Variants in CGNL1 observed in about 807,000 individuals in gnomAD.
The protein encoded by CGNL1 is cingulin-like protein 1.
In CGNL1, 132 loss-of-function variants were observed where a neutral mutation model predicts 141.2. The ratio of observed to expected loss-of-function variants is 0.93; its 90% confidence interval spans 0.81 to 1.08. The LOEUF (loss-of-function observed/expected upper bound fraction) is 1.08, where lower values mean the gene tolerates loss of function less well. Ranked by LOEUF, CGNL1 falls within the 50% of genes least tolerant of loss-of-function variation. The pLI is 0.00. For missense variants in CGNL1, 1,870 were observed against 1,588.6 expected (o/e 1.18, Z -3.01); for synonymous variants, 690 against 622.1 (o/e 1.11, Z -1.63).
At chr15:57,378,077 CATCTGAG>C (rs1213125285) in intron 1 of CGNL1, among the ~76,000 whole-genome samples, 3 of 152,140 alleles carry the variant, frequency 2.0e-5, no homozygotes, top group African/African-American at 7.2e-5. Context: ...TAACATGGCA[CATCTGAG>C]ATGACACCTG....
At chr15:57,508,666 A>T (rs1044823826) in intron 8 of CGNL1, among the ~76,000 whole-genome samples, 18 of 152,254 alleles carry the variant, frequency 1.2e-4, no homozygotes, top group African/African-American at 4.1e-4. Context: ...ACCAAGAAGC[A>T]TAAAGGATTT....
chr15:57,470,192 T>C (rs1167430976), intron 8 of CGNL1, among the ~76,000 whole-genome samples: 1 of 149,324 alleles, frequency 6.7e-6, no homozygotes, highest in Non-Finnish European at 1.5e-5. Context: ...CATGGAACTT[T>C]CCATAGGCAA....
chr15:57,487,731 T>G (rs2063804007), intron 8 of CGNL1, among the ~76,000 whole-genome samples: 1 of 152,190 alleles, frequency 6.6e-6, no homozygotes, highest in African/African-American at 2.4e-5. Flanking sequence ...TTTACTTCTC[T>G]TAATGTACAG....
At chr15:57,536,081 T>C (rs1461105101) in intron 14 of CGNL1, among the ~76,000 whole-genome samples, 3 of 152,154 alleles carry the variant, frequency 2.0e-5, no homozygotes, top group Non-Finnish European at 4.4e-5. Flanking sequence ...GGCCTCACAA[T>C]CATGGCAGAA....
intron 1 of CGNL1, among the ~76,000 whole-genome samples, chr15:57,378,646 G>T: frequency 6.6e-6 from 1 of 152,006 alleles, no homozygotes; most frequent in East Asian, 1.9e-4. Context: ...GCCTCTCAAA[G>T]TGCTGGGATT....
At chr15:57,507,398 C>G (rs144317815) in intron 8 of CGNL1, among the ~76,000 whole-genome samples, 7 of 152,256 alleles carry the variant, frequency 4.6e-5, no homozygotes, top group Non-Finnish European at 8.8e-5. Context: ...ACAGGCCACT[C>G]TGAGAGTGAA....
chr15:57,413,271 C>CTCCT (rs370247311), intron 1 of CGNL1, among the ~76,000 whole-genome samples: 1 of 142,382 alleles, frequency 7.0e-6, no homozygotes, highest in Non-Finnish European at 1.5e-5. Context: ...TCCTCCTTCC[C>CTCCT]TCCTTCCTTC....
intron 8 of CGNL1, among the ~76,000 whole-genome samples, chr15:57,515,603 C>G (rs16977558): frequency 1.8e-4 from 28 of 152,070 alleles, no homozygotes; most frequent in African/African-American, 6.0e-4. Context: ...GGTAAGAGAT[C>G]TGCCTGGAGA....
At position 57,479,955 on chromosome 15, in the gene CGNL1, G is replaced by A. The variant is rs560730729; in HGVS notation, c.2403+18063G>A. Among the ~76,000 whole-genome samples, 4 of 152,262 alleles carry A rather than the reference G, an allele frequency of 2.6e-5. No individual in the cohort carries two copies. In the South Asian group the frequency reaches 8.3e-4, roughly 32 times the overall value. On this transcript the variant is annotated intron_variant, in intron 8 of 18. Coordinates refer to ENST00000281282, the MANE Select transcript of CGNL1 (RefSeq NM_032866.5). ...AAGGTATGAGAGGGTGACAGCAAAG[G>A]ACAGAGGAGAAGCCGTGAGCTACAT...
chr15:57,491,334 G>GT (rs1446082268), intron 8 of CGNL1, among the ~76,000 whole-genome samples: 7 of 152,066 alleles, frequency 4.6e-5, no homozygotes, highest in Non-Finnish European at 8.8e-5. Flanking sequence ...ACCCAGTTTG[G>GT]TGCCTCTTCT....
chr15:57,506,200 C>T (rs1345538672), intron 8 of CGNL1, among the ~76,000 whole-genome samples: 1 of 152,224 alleles, frequency 6.6e-6, no homozygotes, highest in Admixed American at 6.5e-5. Flanking sequence ...TTCCCACCCC[C>T]CAATATTTTC....
At chr15:57,464,477 A>C (rs78185534) in intron 8 of CGNL1, among the ~76,000 whole-genome samples, 1 of 152,180 alleles carries the variant, frequency 6.6e-6, no homozygotes, top group African/African-American at 2.4e-5. Context: ...GGTGCCTGGG[A>C]CATAGTCACA....
At chr15:57,440,516 G>T in intron 3 of CGNL1, 45 bp downstream of exon 3, 1 of 1,393,424 alleles carries the variant, frequency 7.2e-7, no homozygotes, top group Non-Finnish European at 1.0e-6. Flanking sequence ...GTTGTTTCTG[G>T]TGGGACTCTT....
intron 1 of CGNL1, among the ~76,000 whole-genome samples, chr15:57,404,768 C>T (rs1213095134): frequency 6.6e-6 from 1 of 152,146 alleles, no homozygotes; most frequent in African/African-American, 2.4e-5. Context: ...TGCTTTTGAA[C>T]AGTCATTAGC....
intron 1 of CGNL1, among the ~76,000 whole-genome samples, chr15:57,394,648 A>G (rs538434500): frequency 9.2e-5 from 14 of 152,366 alleles, no homozygotes; most frequent in African/African-American, 3.4e-4. Context: ...TATCAGTGTT[A>G]CAAATGACCT....
chr15:57,469,748 G>T (rs1175316115), intron 8 of CGNL1, among the ~76,000 whole-genome samples: 1 of 152,180 alleles, frequency 6.6e-6, no homozygotes, highest in East Asian at 1.9e-4. Flanking sequence ...GGCTGTGTGT[G>T]TGTATTTTAC....
At chr15:57,402,835 T>C (rs1288191623) in intron 1 of CGNL1, 9 of 152,346 alleles carry the variant, frequency 5.9e-5, no homozygotes, top group African/African-American at 2.2e-4. Flanking sequence ...CCTTTTGTTT[T>C]TTGCCATCTC....
At chr15:57,519,667 G>A (rs1236549146) in intron 10 of CGNL1, among the ~76,000 whole-genome samples, 1 of 152,094 alleles carries the variant, frequency 6.6e-6, no homozygotes, top group Non-Finnish European at 1.5e-5. Context: ...TGTGTGGATG[G>A]CACTTTTGCT....
At chr15:57,431,401 G>C (rs1345725304) in intron 1 of CGNL1, among the ~76,000 whole-genome samples, 2 of 152,226 alleles carry the variant, frequency 1.3e-5, no homozygotes, top group African/African-American at 4.8e-5. Flanking sequence ...AAAACACGTA[G>C]AGAGAAAACA....
Sources: allele counts gnomAD v4.1 joint callset (sites outside exome capture counted in the v4.1 genomes callset), GRCh38; gene constraint gnomAD v4.1.1; transcripts MANE v1.5; gene names NCBI Gene and HGNC (gene_info 2026-07-23, HGNC 2026-07-21).